Variants in KCNMA1 observed in about 807,000 individuals in gnomAD.
KCNMA1 encodes the protein potassium calcium-activated channel subfamily M alpha 1, also known as Calcium-activated potassium channel subunit alpha-1.
In KCNMA1, 29 loss-of-function variants were observed where a neutral mutation model predicts 140.0. The ratio of observed to expected loss-of-function variants is 0.21; its 90% confidence interval spans 0.15 to 0.28. KCNMA1 has a LOEUF of 0.28. Ranked by LOEUF, KCNMA1 falls within the 10% of genes least tolerant of loss-of-function variation. The pLI is 1.00. For synonymous variants in KCNMA1, 612 were observed against 611.9 expected, an observed-to-expected ratio of 1.00 and a Z score of 0.00; for missense variants, 880 against 1,602.2, an observed-to-expected ratio of 0.55 and a Z score of 7.70.
chr10:77,197,339 CTT>C lies in KCNMA1; in HGVS notation c.603-12425_603-12424del, dbSNP rs386745523. Reference sequence around the variant, plus strand: ...TGAAAGGGTATCATCATCCTGGTCACTTGGTGCACACCCAGGTGGAGTCAGGA... The same window carrying C: ...TGAAAGGGTATCATCATCCTGGTCACGGTGCACACCCAGGTGGAGTCAGGA... On this transcript the variant is annotated intron_variant, in intron 3 of 27. Coordinates refer to ENST00000286628, the MANE Select transcript of KCNMA1 (RefSeq NM_001161352.2). Among the ~76,000 whole-genome samples, 39 of 152,320 alleles carry C rather than the reference CTT, an allele frequency of 2.6e-4. 1 individual carries two copies. The highest frequency in any genetic ancestry group is 8.2e-4 in the African/African-American group (34 of 41,562).
chr10:77,291,604 C>G (rs1297979839), intron 2 of KCNMA1, among the ~76,000 whole-genome samples: 1 of 152,174 alleles, frequency 6.6e-6, no homozygotes, highest in East Asian at 1.9e-4. Context: ...CCAACCACCT[C>G]TTTTGCTCCA....
At chr10:77,619,172 T>C (rs1048422625) in intron 1 of KCNMA1, among the ~76,000 whole-genome samples, 4 of 152,240 alleles carry the variant, frequency 2.6e-5, no homozygotes, top group East Asian at 1.9e-4. Context: ...ATTTTGTTTA[T>C]GACTTTTAAG....
At chr10:77,119,476 G>A (rs1269027079) in intron 6 of KCNMA1, among the ~76,000 whole-genome samples, 1 of 152,192 alleles carries the variant, frequency 6.6e-6, no homozygotes, top group Non-Finnish European at 1.5e-5. Context: ...AAGGCTCTAT[G>A]CTTGGTGCTG....
intron 1 of KCNMA1, among the ~76,000 whole-genome samples, chr10:77,484,767 T>C (rs1485455287): frequency 6.6e-6 from 1 of 152,232 alleles, no homozygotes; most frequent in African/African-American, 2.4e-5. Context: ...AGCCTAAGAA[T>C]CTGCATCGCC....
intron 23 of KCNMA1, among the ~76,000 whole-genome samples, chr10:76,923,600 T>C (rs1385427314): frequency 6.6e-6 from 1 of 152,226 alleles, no homozygotes; most frequent in Non-Finnish European, 1.5e-5. Context: ...CCCGGTCTAA[T>C]GTCTCCGTTT....
intron 1 of KCNMA1, 170 bp downstream of exon 1, chr10:77,637,095 T>C: frequency 1.5e-6 from 2 of 1,300,108 alleles, no homozygotes; most frequent in Non-Finnish European, 1.0e-6. Context: ...CGCCGCCCGC[T>C]GCCCCGATCC....
chr10:76,912,344 C>G (rs2050686626), intron 24 of KCNMA1: 1 of 152,244 alleles, frequency 6.6e-6, no homozygotes, highest in Admixed American at 6.5e-5. Context: ...GTGGAATGTG[C>G]TACACAGCTT....
chr10:77,024,729 T>C (rs1433118417), intron 16 of KCNMA1, among the ~76,000 whole-genome samples: 6 of 152,152 alleles, frequency 3.9e-5, no homozygotes, highest in African/African-American at 1.4e-4. Flanking sequence ...CAATAAACAG[T>C]ACTAACTCTG....
chr10:77,511,544 A>G (rs2048388913), intron 1 of KCNMA1, among the ~76,000 whole-genome samples: 1 of 152,198 alleles, frequency 6.6e-6, no homozygotes, highest in Admixed American at 6.5e-5. Flanking sequence ...CAGCCTCTTT[A>G]TCTCTAAGGG....
At chr10:77,020,560 ACACTAATAG>A (rs1482037584) in intron 16 of KCNMA1, 2 of 152,232 alleles carry the variant, frequency 1.3e-5, no homozygotes, top group Non-Finnish European at 2.9e-5. Context: ...GCAGCAGTCC[ACACTAATAG>A]CACGGCCTGC....
intron 24 of KCNMA1, chr10:76,912,738 T>C (rs1418613555): frequency 1.5e-4 from 23 of 152,178 alleles, no homozygotes; most frequent in Admixed American, 1.5e-3. Context: ...GAATTCCAAA[T>C]AGAAAATGAA....
chr10:77,592,765 G>A (rs966686795), intron 1 of KCNMA1, among the ~76,000 whole-genome samples: 6 of 152,160 alleles, frequency 3.9e-5, no homozygotes, highest in Admixed American at 6.5e-5. Flanking sequence ...TTCTGACCAC[G>A]CTTTGAACAC....
At chr10:77,312,031 G>T (rs1448755886) in intron 2 of KCNMA1, among the ~76,000 whole-genome samples, 1 of 152,222 alleles carries the variant, frequency 6.6e-6, no homozygotes, top group Non-Finnish European at 1.5e-5. Flanking sequence ...CTGCAATTCA[G>T]ATGCACACAG....
At chr10:77,490,052 G>A (rs2098513039) in intron 1 of KCNMA1, among the ~76,000 whole-genome samples, 2 of 152,222 alleles carry the variant, frequency 1.3e-5, no homozygotes, top group Admixed American at 1.3e-4. Context: ...AAGATGAGCA[G>A]TGTCCCTGGC....
chr10:77,488,878 C>T (rs1005877886), intron 1 of KCNMA1, among the ~76,000 whole-genome samples: 3 of 152,232 alleles, frequency 2.0e-5, no homozygotes, highest in African/African-American at 7.2e-5. Flanking sequence ...TTCATTTAAA[C>T]CATTCTCCTG....
intron 1 of KCNMA1, among the ~76,000 whole-genome samples, chr10:77,545,817 A>T (rs1389022194): frequency 6.6e-6 from 1 of 152,188 alleles, no homozygotes; most frequent in Non-Finnish European, 1.5e-5. Flanking sequence ...CTGGGAAAGC[A>T]TGCCTCAGCG....
At chr10:77,400,998 C>A (rs890954398) in intron 2 of KCNMA1, among the ~76,000 whole-genome samples, 15 of 151,804 alleles carry the variant, frequency 9.9e-5, no homozygotes, top group Non-Finnish European at 1.8e-4. Flanking sequence ...GGAATCTGCT[C>A]CCATGCCATC....
intron 19 of KCNMA1, among the ~76,000 whole-genome samples, chr10:76,988,791 G>A (rs2081977115): frequency 6.6e-6 from 1 of 152,140 alleles, no homozygotes; most frequent in Non-Finnish European, 1.5e-5. Flanking sequence ...GTTTTCTAAT[G>A]ATCCCAGGAC....
chr10:77,313,557 T>A (rs1380882296), intron 2 of KCNMA1, among the ~76,000 whole-genome samples: 1 of 152,180 alleles, frequency 6.6e-6, no homozygotes, highest in Non-Finnish European at 1.5e-5. Flanking sequence ...GAACAGGATG[T>A]GTCATGCATG....
Sources: gnomAD v4.1 joint callset for allele counts (sites outside exome capture counted in the v4.1 genomes callset) on GRCh38, gnomAD v4.1.1 for gene constraint, MANE v1.5 for transcripts, NCBI Gene and HGNC (gene_info 2026-07-23, HGNC 2026-07-21) for gene names.